Variants in STIM2 observed in about 807,000 individuals in gnomAD.
STIM2 encodes stromal interaction molecule 2.
In STIM2, 31 loss-of-function variants were observed where a neutral mutation model predicts 85.8. The ratio of observed to expected loss-of-function variants is 0.36; its 90% CI spans 0.27 to 0.49. The LOEUF (loss-of-function observed/expected upper bound fraction) is 0.49. Ranked by LOEUF, STIM2 falls within the 20% of genes least tolerant of loss-of-function variation. The pLI is 0.98. For missense variants in STIM2, 841 were observed against 927.6 expected (o/e 0.91, Z 1.21); for synonymous variants, 356 against 331.1 (o/e 1.08, Z -0.82).
chr4:26,989,538 C>A (rs570035950), intron 3 of STIM2, among the ~76,000 whole-genome samples: 1 of 152,160 alleles, frequency 6.6e-6, no homozygotes, highest in Non-Finnish European at 1.5e-5. Flanking sequence ...GAAAGCCTTT[C>A]CACTAAGATC....
intron 3 of STIM2, among the ~76,000 whole-genome samples, chr4:26,972,431 T>C (rs1726994349): frequency 6.6e-6 from 1 of 152,198 alleles, no homozygotes; most frequent in African/African-American, 2.4e-5. Flanking sequence ...ACCTAGTTTG[T>C]TGAGAGTTTT....
Position 27,023,981 on chromosome 4 carries a change from T to C in STIM2, c.*985T>C, listed in dbSNP as rs2109151444. On this transcript the variant is annotated 3_prime_UTR_variant, in exon 12 of 12. Coordinates refer to ENST00000467087, the MANE Select transcript of STIM2 (RefSeq NM_020860.4). ...ACATTATTGTGTGGGATTGTGCTGATTTTTGTTGATAACACAAAAAACACT... is the reference window on the plus strand; with the variant it reads ...ACATTATTGTGTGGGATTGTGCTGACTTTTGTTGATAACACAAAAAACACT... The C allele has an allele frequency of 6.5e-6, 1 of 152,778 alleles. No individual in the cohort carries two copies. Among genetic ancestry groups the C allele is most frequent in the Middle Eastern group, 3.4e-3 (1 of 294 alleles). 9.5% of individuals were successfully genotyped at this position (152,778 alleles called of 1,614,324 possible).
chr4:26,889,276 C>G (rs1723373493), intron 1 of STIM2, among the ~76,000 whole-genome samples: 1 of 152,170 alleles, frequency 6.6e-6, no homozygotes, highest in Non-Finnish European at 1.5e-5. Flanking sequence ...GACAACGTAA[C>G]TGAGTCTTCA....
chr4:26,894,134 G>T (rs139329421), intron 1 of STIM2, among the ~76,000 whole-genome samples: 45 of 152,178 alleles, frequency 3.0e-4, no homozygotes, highest in Non-Finnish European at 5.9e-4. Flanking sequence ...TGATCCACCC[G>T]CCTCGGCCTC....
At chr4:26,958,811 A>G (rs914812201) in intron 3 of STIM2, among the ~76,000 whole-genome samples, 9 of 152,158 alleles carry the variant, frequency 5.9e-5, no homozygotes, top group Admixed American at 3.9e-4. Context: ...TCAGCAACAA[A>G]CTTATTTTAT....
intron 4 of STIM2, among the ~76,000 whole-genome samples, chr4:26,998,054 G>A (rs1244452658): frequency 1.3e-5 from 2 of 152,242 alleles, no homozygotes; most frequent in Non-Finnish European, 2.9e-5. Flanking sequence ...CCTCTCACAA[G>A]TATCTTCACC....
intron 4 of STIM2, among the ~76,000 whole-genome samples, chr4:26,999,009 T>A (rs964467887): frequency 6.6e-6 from 1 of 152,080 alleles, no homozygotes; most frequent in African/African-American, 2.4e-5. Context: ...TCAATGTAGC[T>A]ACTAAATTAT....
In STIM2 at chr4:27,008,901, G is replaced by C. The variant is rs1172038648; in HGVS notation, c.1388G>C (p.Ser463Thr). The C allele has an allele frequency of 1.2e-6, 2 of 1,614,116 alleles. No individual in the cohort carries two copies. ...ACCTCTTCCCTTTATTCTGATCACA[G>C]CTGGGTGGTGATGCCCAGAGTCTCC... is the stretch of plus-strand genomic sequence containing the variant. The change falls in exon 10 of 12, where the codon AGC becomes ACC. Residue 463 changes from serine (S) to threonine (T), a missense_variant. Transcript: ENST00000467087.
At chr4:26,974,027 GTC>G (rs1727082268) in intron 3 of STIM2, among the ~76,000 whole-genome samples, 1 of 152,178 alleles carries the variant, frequency 6.6e-6, no homozygotes, top group Non-Finnish European at 1.5e-5. Context: ...TTGGTTTAAA[GTC>G]TGTTTTATCA....
At chr4:26,964,714 G>C (rs1726642658) in intron 3 of STIM2, among the ~76,000 whole-genome samples, 1 of 152,094 alleles carries the variant, frequency 6.6e-6, no homozygotes, top group Admixed American at 6.6e-5. Flanking sequence ...AGGTACAAAA[G>C]ATACACAGAT....
intron 3 of STIM2, among the ~76,000 whole-genome samples, chr4:26,976,886 G>A (rs1330186169): frequency 6.6e-6 from 1 of 152,178 alleles, no homozygotes. Flanking sequence ...GAACAAAATA[G>A]ATATTCTTCC....
intron 11 of STIM2, among the ~76,000 whole-genome samples, chr4:27,021,793 A>G (rs546664907): frequency 3.9e-5 from 6 of 152,192 alleles, no homozygotes; most frequent in African/African-American, 1.2e-4. Flanking sequence ...CATAATAAGG[A>G]ATGGTGGATT....
At chr4:26,877,917 G>A (rs573353957) in intron 1 of STIM2, among the ~76,000 whole-genome samples, 2 of 152,266 alleles carry the variant, frequency 1.3e-5, no homozygotes, top group Admixed American at 6.5e-5. Context: ...TATAGGGCAA[G>A]CATGGCTCCC....
At chr4:26,889,225 A>C (rs188919772) in intron 1 of STIM2, among the ~76,000 whole-genome samples, 1 of 152,334 alleles carries the variant, frequency 6.6e-6, no homozygotes, top group East Asian at 1.9e-4. Flanking sequence ...GAGCATACAT[A>C]GCCTCATGGA....
chr4:26,938,661 A>G (rs551120048), intron 2 of STIM2, among the ~76,000 whole-genome samples: 4 of 152,332 alleles, frequency 2.6e-5, no homozygotes, highest in South Asian at 4.1e-4. Flanking sequence ...GTGCTAAGCT[A>G]TATCAGGGAG....
chr4:27,003,599 A>G (rs1186068318), intron 7 of STIM2, among the ~76,000 whole-genome samples: 1 of 152,132 alleles, frequency 6.6e-6, no homozygotes, highest in East Asian at 1.9e-4. Context: ...TAGGCATTGC[A>G]CGGAGTCCTT....
intron 1 of STIM2, among the ~76,000 whole-genome samples, chr4:26,898,152 G>A (rs1723779898): frequency 6.6e-6 from 1 of 152,204 alleles, no homozygotes; most frequent in Non-Finnish European, 1.5e-5. Context: ...TTTTCAGACA[G>A]CACTTCTTTT....
At chr4:26,942,445 T>C (rs1315159949) in intron 2 of STIM2, among the ~76,000 whole-genome samples, 2 of 152,286 alleles carry the variant, frequency 1.3e-5, no homozygotes, top group South Asian at 4.1e-4. Flanking sequence ...TGCCTCATTC[T>C]TCCCTCCTTT....
intron 1 of STIM2, among the ~76,000 whole-genome samples, chr4:26,918,331 T>C (rs1724669290): frequency 6.6e-6 from 1 of 151,944 alleles, no homozygotes; most frequent in South Asian, 2.1e-4. Flanking sequence ...TAGATATTCT[T>C]AGGCCCTTAT....
Sources: gnomAD v4.1 joint callset for allele counts (sites outside exome capture counted in the v4.1 genomes callset) on GRCh38, gnomAD v4.1.1 for gene constraint, MANE v1.5 for transcripts, NCBI Gene and HGNC (gene_info 2026-07-23, HGNC 2026-07-21) for gene names.